The following MAPKAPK2 variants were observed in gnomAD, a reference collection of about 807,000 sequenced individuals.
MAPKAPK2 encodes MAP kinase-activated protein kinase 2.
MAPKAPK2 carries 9 observed loss-of-function variants against 48.8 expected under a neutral mutation model. That is an observed-to-expected ratio of 0.18 (90% CI 0.11 to 0.32). The LOEUF (loss-of-function observed/expected upper bound fraction) is 0.32, where lower values mean the gene tolerates loss of function less well. Ranked by LOEUF, MAPKAPK2 falls within the 10% of genes least tolerant of loss-of-function variation. MAPKAPK2 has a pLI of 1.00. For missense variants in MAPKAPK2, 331 were observed against 498.3 expected (o/e 0.66, Z 3.20); for synonymous variants, 202 against 190.6 (o/e 1.06, Z -0.49).
chr1:206,718,984 T>A (rs1280199635), intron 1 of MAPKAPK2, among the ~76,000 whole-genome samples: 6 of 149,454 alleles, frequency 4.0e-5, no homozygotes, highest in African/African-American at 7.5e-5. Context: ...AACATTAAAA[T>A]TTTTTTTTTG....
intron 1 of MAPKAPK2, among the ~76,000 whole-genome samples, chr1:206,718,139 T>C (rs1426491405): frequency 1.3e-5 from 2 of 152,256 alleles, no homozygotes; most frequent in Non-Finnish European, 2.9e-5. Flanking sequence ...CTACCACTTA[T>C]AATTAACCAC....
intron 6 of MAPKAPK2, 23 bp downstream of exon 6, chr1:206,730,786 T>TGG: frequency 1.8e-6 from 1 of 552,140 alleles, no homozygotes; most frequent in Non-Finnish European, 3.4e-6. Flanking sequence ...GGGAGGGGGC[T>TGG]GGGTGGGGCA....
chr1:206,730,669 GT>G lies in MAPKAPK2; in HGVS notation c.692-17del. ...GGGTTCTGAGGGCCGGCCCACCCAT[GT>G]TGACCTTTGATTTGCAGCTCCAGAA... is the stretch of plus-strand genomic sequence containing the variant. On this transcript the variant is annotated intron_variant, in intron 5 of 9. Transcript: ENST00000367103. 1 of 1,609,082 alleles carries G rather than the reference GT, an allele frequency of 6.2e-7. No homozygotes were observed.
chr1:206,691,054 G>A (rs1553426178), intron 1 of MAPKAPK2, among the ~76,000 whole-genome samples: 1 of 148,260 alleles, frequency 6.7e-6, no homozygotes, highest in African/African-American at 2.5e-5. Context: ...GAGGCCCAGT[G>A]GCAAAGCAAC....
At chr1:206,689,796 C>G (rs1248688666) in intron 1 of MAPKAPK2, among the ~76,000 whole-genome samples, 2 of 152,226 alleles carry the variant, frequency 1.3e-5, no homozygotes, top group African/African-American at 2.4e-5. Context: ...AGCCACACTT[C>G]AAGTGTTCAG....
Position 206,728,814 on chromosome 1 carries a change from C to T in MAPKAPK2, c.384C>T (p.Tyr128=), listed in dbSNP as rs143555384. ...TCGTGGATGTGTACGAGAATCTGTACGCAGGGAGGAAGTGCCTGCTGATTG... is the reference window on the plus strand; with the variant it reads ...TCGTGGATGTGTACGAGAATCTGTATGCAGGGAGGAAGTGCCTGCTGATTG... The part of the protein sequence containing the change: ...VRIVDVYENL[Y]AGRKCLLIVM... The change falls in exon 2 of 10, where the codon TAC becomes TAT. Residue 128 remains tyrosine (Y), a synonymous_variant. Transcript: ENST00000367103. 95 of 1,614,078 alleles carry T rather than the reference C, an allele frequency of 5.9e-5. No homozygotes were observed. The highest frequency in any genetic ancestry group is 7.0e-5 in the Non-Finnish European group (83 of 1,180,046).
intron 1 of MAPKAPK2, among the ~76,000 whole-genome samples, chr1:206,705,086 G>C (rs1672911724): frequency 1.3e-5 from 2 of 152,144 alleles, no homozygotes; most frequent in South Asian, 4.1e-4. Flanking sequence ...ACATCCTACG[G>C]AATACTATTT....
rs201923240 is a variant in MAPKAPK2, at chr1:206,727,628, CTT to C, written c.280-1073_280-1072del. On this transcript the variant is annotated intron_variant, in intron 1 of 9. Transcript: ENST00000367103. The stretch of plus-strand genomic sequence containing the variant: ...CTTTAAGAAGCCTCTTAGCAGATTT[CTT>C]TTTTTTTTGAGATGGAGTCTCGCTC... Among the ~76,000 whole-genome samples the C allele has an allele frequency of 3.4e-5, 5 of 148,756 alleles. No homozygotes were observed. The Admixed American group carries it at 3.4e-4, about 10-fold the overall frequency.
chr1:206,728,650 A>G, intron 1 of MAPKAPK2, 60 bp from the exon 2 acceptor site: 2 of 1,563,284 alleles, frequency 1.3e-6, no homozygotes, highest in South Asian at 2.4e-5. Flanking sequence ...CATGTGGGCC[A>G]GGGGCTTAGA....
chr1:206,696,639 G>A (rs782144715), intron 1 of MAPKAPK2, among the ~76,000 whole-genome samples: 1 of 152,170 alleles, frequency 6.6e-6, no homozygotes, highest in Admixed American at 6.5e-5. Context: ...AGGAAGTCAC[G>A]GTTACAGTGA....
At chr1:206,712,127 C>T (rs573134379) in intron 1 of MAPKAPK2, among the ~76,000 whole-genome samples, 1 of 152,328 alleles carries the variant, frequency 6.6e-6, no homozygotes, top group African/African-American at 2.4e-5. Flanking sequence ...AGTGTAATTT[C>T]AGAGCCCTTG....
In MAPKAPK2 at chr1:206,732,935, G is replaced by A. The variant is rs1191108928; in HGVS notation, c.*217G>A. ...GAGGCTGTGGAGAGAAGTGAGCAAG[G>A]TGCTCTTGAACCTGTGCTCATTTTG... On this transcript the variant is annotated 3_prime_UTR_variant, in exon 10 of 10. Coordinates refer to ENST00000367103, the MANE Select transcript of MAPKAPK2 (RefSeq NM_032960.4). The surrounding 1 kb of genome is among the most constrained non-coding windows in gnomAD (Gnocchi z 4.4). 1 of 544,474 alleles carries A rather than the reference G, an allele frequency of 1.8e-6. No individual in the cohort carries two copies. The allele number at this position is 544,474 out of a possible 1,614,324, so 33.7% of individuals were successfully genotyped here.
chr1:206,711,309 G>A (rs1673132508), intron 1 of MAPKAPK2, among the ~76,000 whole-genome samples: 1 of 152,154 alleles, frequency 6.6e-6, no homozygotes, highest in South Asian at 2.1e-4. Flanking sequence ...GAGCGCAGTG[G>A]CGCTATCTCA....
At chr1:206,721,432 T>A (rs1366067841) in intron 1 of MAPKAPK2, among the ~76,000 whole-genome samples, 1 of 152,252 alleles carries the variant, frequency 6.6e-6, no homozygotes, top group Admixed American at 6.5e-5. Context: ...TCTTGAGATG[T>A]ATATTTTCTT....
Position 206,731,790 on chromosome 1 carries a change from C to A in MAPKAPK2, c.979-49C>A. Reference sequence around the variant, plus strand: ...CTATTCCACAGGACAGAGTCTTAGCCAGGACCCTACCCCAGGCTTTCACTC... The same window carrying A: ...CTATTCCACAGGACAGAGTCTTAGCAAGGACCCTACCCCAGGCTTTCACTC... On this transcript the variant is annotated intron_variant, in intron 8 of 9. Transcript: ENST00000367103. This position sits in a 1 kb window ranked among gnomAD's most constrained non-coding sequence, Gnocchi z 5.9. The A allele has an allele frequency of 6.2e-7, 1 of 1,611,530 alleles. No homozygotes were observed. Among genetic ancestry groups the A allele is most frequent in the East Asian group, 2.2e-5 (1 of 44,874 alleles).
intron 1 of MAPKAPK2, among the ~76,000 whole-genome samples, chr1:206,693,958 C>A (rs1308747169): frequency 1.3e-5 from 2 of 152,160 alleles, no homozygotes; most frequent in African/African-American, 4.8e-5. Flanking sequence ...TTTCTTCTAC[C>A]TCTTGACTGC....
chr1:206,729,350 G>C (rs1287709398), intron 3 of MAPKAPK2, 46 bp from the exon 4 acceptor site: 19 of 1,508,286 alleles, frequency 1.3e-5, no homozygotes, highest in Non-Finnish European at 1.8e-5. Flanking sequence ...CTAATGATGT[G>C]TCTTTGTGAC....
chr1:206,692,224 C>T (rs1202742528), intron 1 of MAPKAPK2, among the ~76,000 whole-genome samples: 2 of 152,126 alleles, frequency 1.3e-5, no homozygotes, highest in East Asian at 3.8e-4. Context: ...TGGGTTCTTT[C>T]AAAGGAGTGC....
Position 206,685,191 on chromosome 1 carries a change from G to A in MAPKAPK2, c.-39G>A. 2 of 291,456 alleles carry A rather than the reference G, an allele frequency of 6.9e-6. No homozygotes were observed. Among genetic ancestry groups the A allele is most frequent in the Non-Finnish European group, 1.2e-5 (2 of 162,814 alleles). 18.1% of individuals were successfully genotyped at this position (291,456 alleles called of 1,614,324 possible). ...CCCGGAGCCGGAGGAGGGGGCGGCC[G>A]CGGGCACCCCCGCCTGTGCCCCGGC... On this transcript the variant is annotated 5_prime_UTR_variant, in exon 1 of 10. Coordinates refer to ENST00000367103, the MANE Select transcript of MAPKAPK2 (RefSeq NM_032960.4).
Sources: gnomAD v4.1 joint callset for allele counts (sites outside exome capture counted in the v4.1 genomes callset) on GRCh38, gnomAD v4.1.1 for gene constraint, Gnocchi (gnomAD v3.1) non-coding constraint, MANE v1.5 for transcripts, NCBI Gene and HGNC (gene_info 2026-07-23, HGNC 2026-07-21) for gene names.